Variants in GRIN2D observed in about 807,000 individuals in gnomAD.
GRIN2D encodes the protein glutamate ionotropic receptor NMDA type subunit 2D, also known as glutamate receptor ionotropic, NMDA 2D.
In GRIN2D, 37 loss-of-function variants were observed where a neutral mutation model predicts 103.2. That is an observed-to-expected ratio of 0.36 (90% CI 0.28 to 0.47). The LOEUF is 0.47. GRIN2D is among the 20% of genes least tolerant of loss of function. The pLI, the probability that GRIN2D is intolerant of heterozygous loss-of-function variation, is 1.00. For synonymous variants in GRIN2D, 845 were observed against 885.6 expected, an observed-to-expected ratio of 0.95 and a Z score of 0.81; for missense variants, 1,557 against 1,910.6, an observed-to-expected ratio of 0.81 and a Z score of 3.45.
At chr19:48,409,280 T>TC (rs1383020783) in intron 4 of GRIN2D, among the ~76,000 whole-genome samples, 3 of 143,376 alleles carry the variant, frequency 2.1e-5, no homozygotes, top group African/African-American at 7.8e-5. Flanking sequence ...ATTTCTTTTT[T>TC]TTTTTTTTTT....
rs1213353560 is a variant in GRIN2D at position 48,443,475 on chromosome 19, C to T, written c.3549C>T (p.Cys1183=). The change falls in exon 14 of 14, where the codon TGC becomes TGT. Residue 1183 remains cysteine, a synonymous_variant. Transcript: ENST00000263269. The surrounding 1 kb of genome is among the most constrained non-coding windows in gnomAD (Gnocchi z 8.9). The part of the protein sequence containing the change: ...SGPAAWHCRH[C]ASLELLPPPR... ...CGGCCGCCTGGCACTGTCGGCACTG[C>T]GCCAGCCTGGAGCTGCTGCCGCCGC... is the stretch of plus-strand genomic sequence containing the variant. The T allele has an allele frequency of 7.3e-7, 1 of 1,378,410 alleles. No individual in the cohort carries two copies. Among genetic ancestry groups the T allele is most frequent in the South Asian group, 1.6e-5 (1 of 63,132 alleles). 85.4% of individuals were successfully genotyped at this position (1,378,410 alleles called of 1,614,324 possible).
At position 48,436,858 on chromosome 19, in the gene GRIN2D, G is replaced by A. The variant is rs191707617; in HGVS notation, c.2253-4911G>A. Among the ~76,000 whole-genome samples, 11 of 152,296 alleles carry A rather than the reference G, an allele frequency of 7.2e-5. No individual in the cohort carries two copies. In the East Asian group the frequency reaches 1.9e-3, roughly 27 times the overall value. ...GGCCAGAGTGAGGGGGGGCTTGGGA[G>A]ATGAGGGCAGATGGGTAAGGAGGGA... On this transcript the variant is annotated intron_variant, in intron 11 of 13. Coordinates refer to ENST00000263269, the MANE Select transcript of GRIN2D (RefSeq NM_000836.4).
At chr19:48,441,382 A>AAAG (rs1971289801) in intron 11 of GRIN2D, among the ~76,000 whole-genome samples, 2 of 105,978 alleles carry the variant, frequency 1.9e-5, no homozygotes, top group Non-Finnish European at 2.0e-5. Flanking sequence ...AAAAAAAAAA[A>AAAG]AAAGAAAGAA....
intron 4 of GRIN2D, among the ~76,000 whole-genome samples, chr19:48,406,859 T>C (rs1157339257): frequency 6.6e-6 from 1 of 152,154 alleles, no homozygotes; most frequent in African/African-American, 2.4e-5. Flanking sequence ...AAAAGGGGGT[T>C]TATTGGAAAA....
At position 48,419,290 on chromosome 19, in the gene GRIN2D, G is replaced by T; in HGVS notation, c.1792G>T (p.Ala598Ser). ...GTTCGTCATGTGCCTCACTGTGGTC[G>T]CCGTCACTGTTTTCATCTTCGAGTA... The part of the protein sequence containing the change: ...MMFVMCLTVV[A>S]VTVFIFEYLS... The change falls in exon 9 of 14, where the codon GCC becomes TCC. Residue 598 changes from alanine to serine, a missense_variant. Physicochemically the swap from Ala to Ser is moderately conservative, Grantham distance 99. Transcript: ENST00000263269. 1 of 1,610,870 alleles carries T rather than the reference G, an allele frequency of 6.2e-7. No homozygotes were observed.
At chr19:48,435,132 A>G (rs1044972644) in intron 11 of GRIN2D, among the ~76,000 whole-genome samples, 2 of 152,108 alleles carry the variant, frequency 1.3e-5, no homozygotes, top group Non-Finnish European at 2.9e-5. Flanking sequence ...ATCGCCCCAC[A>G]GTTGTAGAGG....
Position 48,443,197 on chromosome 19 carries a change from G to A in GRIN2D, c.3271G>A (p.Ala1091Thr), listed in dbSNP as rs2147477096. ...GGGGGGCGCAGGCGGAGGAGCCCCG[G>A]CCGCTCCGCCCCCGTGCCGCGCCGC... ...GTGGAGGGAP[A>T]APPPCRAAPP... The change falls in exon 14 of 14, where the codon GCC becomes ACC. Residue 1091 changes from alanine (A) to threonine (T), a missense_variant. This residue lies in a region of GRIN2D where 632 missense variants were observed against 572.8 expected (regional missense o/e 1.10). Coordinates refer to ENST00000263269, the MANE Select transcript of GRIN2D (RefSeq NM_000836.4). This position sits in a 1 kb window ranked among gnomAD's most constrained non-coding sequence, Gnocchi z 8.9. 2 of 1,187,952 alleles carry A rather than the reference G, an allele frequency of 1.7e-6. No homozygotes were observed. The highest frequency in any genetic ancestry group is 2.1e-6 in the Non-Finnish European group (2 of 950,152). 73.6% of individuals were successfully genotyped at this position (1,187,952 alleles called of 1,614,324 possible).
At chr19:48,412,245 C>T (rs1451767346) in intron 4 of GRIN2D, among the ~76,000 whole-genome samples, 2 of 151,564 alleles carry the variant, frequency 1.3e-5, no homozygotes. Context: ...AGGAGAATGG[C>T]GTGAACCTGG....
At chr19:48,431,913 CTTTATTT>C (rs71334296) in intron 11 of GRIN2D, among the ~76,000 whole-genome samples, 2 of 147,574 alleles carry the variant, frequency 1.4e-5, no homozygotes, top group African/African-American at 5.0e-5. Context: ...TTTATCTTTT[CTTTATTT>C]TTTATTTTTT....
intron 11 of GRIN2D, among the ~76,000 whole-genome samples, chr19:48,431,036 C>G (rs1971149920): frequency 6.6e-6 from 1 of 152,104 alleles, no homozygotes; most frequent in Non-Finnish European, 1.5e-5. Context: ...AGAGCTTGGT[C>G]TCAAATTCCT....
At chr19:48,438,418 C>T (rs1019982634) in intron 11 of GRIN2D, among the ~76,000 whole-genome samples, 2 of 150,786 alleles carry the variant, frequency 1.3e-5, no homozygotes, top group African/African-American at 4.9e-5. Context: ...CTTGCCTCAG[C>T]CTCCTGAGTA....
In GRIN2D at chr19:48,442,783, G is replaced by C. The variant is rs1439587535; in HGVS notation, c.2857G>C (p.Gly953Arg). ...CCGGACCAAGGGCGCGGGGCCGCCG[G>C]GGGGCGCGGGCCTGGCCGACGGCTT... The part of the protein sequence containing the change: ...WRRTKGAGPP[G>R]GAGLADGFHR... Residue 953 changes from glycine (G) to arginine (R), a missense_variant, in exon 14 of 14, where the codon GGG becomes CGG. By Grantham distance (125) the Gly-to-Arg change is moderately radical. Transcript: ENST00000263269. The surrounding 1 kb of genome is among the most constrained non-coding windows in gnomAD (Gnocchi z 7.2). 9 of 1,069,042 alleles carry C rather than the reference G, an allele frequency of 8.4e-6. No homozygotes were observed. Among genetic ancestry groups the C allele is most frequent in the Admixed American group, 5.5e-5 (1 of 18,178 alleles). 66.2% of individuals were successfully genotyped at this position (1,069,042 alleles called of 1,614,324 possible). A position where few individuals can be genotyped will look rare whatever the true frequency, so the allele number is the denominator to read the frequency against.
intron 11 of GRIN2D, among the ~76,000 whole-genome samples, chr19:48,432,696 C>T (rs764353590): frequency 6.6e-6 from 1 of 151,700 alleles, no homozygotes; most frequent in South Asian, 2.1e-4. Flanking sequence ...TAGGATCAAG[C>T]GATCCTACCA....
At chr19:48,416,810 G>A (rs1600980290) in intron 8 of GRIN2D, among the ~76,000 whole-genome samples, 2 of 148,634 alleles carry the variant, frequency 1.3e-5, no homozygotes, top group Admixed American at 6.8e-5. Context: ...GCACCATCTC[G>A]GCTCACTGCA....
intron 4 of GRIN2D, among the ~76,000 whole-genome samples, chr19:48,406,664 C>G (rs917747738): frequency 6.6e-6 from 1 of 152,194 alleles, no homozygotes; most frequent in African/African-American, 2.4e-5. Flanking sequence ...AGACCATGAA[C>G]TTATTCTTCA....
At chr19:48,403,434 A>C (rs1165419813) in intron 3 of GRIN2D, among the ~76,000 whole-genome samples, 1 of 152,162 alleles carries the variant, frequency 6.6e-6, no homozygotes, top group East Asian at 1.9e-4. Flanking sequence ...TTTAAATTCT[A>C]TTTAACATTT....
chr19:48,432,800 C>CT (rs796104406), intron 11 of GRIN2D, among the ~76,000 whole-genome samples: 17 of 144,050 alleles, frequency 1.2e-4, no homozygotes, highest in Non-Finnish European at 2.1e-4. Flanking sequence ...TTTCATTTTG[C>CT]TTTTTTTTGA....
chr19:48,415,951 T>A, intron 7 of GRIN2D, 51 bp from the exon 8 acceptor site: 1 of 1,550,828 alleles, frequency 6.4e-7, no homozygotes, highest in East Asian at 2.2e-5. Flanking sequence ...CGTGTCAGTC[T>A]GTCCGCTTGA....
chr19:48,407,692 A>G (rs769069989), intron 4 of GRIN2D, among the ~76,000 whole-genome samples: 3 of 152,218 alleles, frequency 2.0e-5, no homozygotes, highest in Non-Finnish European at 4.4e-5. Context: ...ATAGTGTTAA[A>G]TAAGGTCCCT....
Sources: gnomAD v4.1 joint callset for allele counts (sites outside exome capture counted in the v4.1 genomes callset) on GRCh38, gnomAD v4.1.1 for gene constraint, gnomAD v4.1.1 regional missense constraint, Gnocchi (gnomAD v3.1) non-coding constraint, MANE v1.5 for transcripts, NCBI Gene and HGNC (gene_info 2026-07-23, HGNC 2026-07-21) for gene names.